Variants in NEBL observed in about 807,000 individuals in gnomAD.
NEBL encodes LIM and SH3 protein 2.
NEBL carries 122 observed loss-of-function variants against 140.2 expected under a neutral mutation model. The ratio of observed to expected loss-of-function variants is 0.87; its 90% CI spans 0.75 to 1.01. NEBL has a LOEUF of 1.01. Among genes scored for constraint, NEBL ranks in the 50% least tolerant of loss-of-function variants. NEBL has a pLI of 0.00. For synonymous variants in NEBL, 436 were observed against 398.9 expected, an observed-to-expected ratio of 1.09 and a Z score of -1.11; for missense variants, 1,365 against 1,231.3, an observed-to-expected ratio of 1.11 and a Z score of -1.62.
intron 3 of NEBL, among the ~76,000 whole-genome samples, chr10:21,216,643 C>T (rs1841996235): frequency 6.6e-6 from 1 of 152,034 alleles, no homozygotes; most frequent in Non-Finnish European, 1.5e-5. Flanking sequence ...TGGTGGCACA[C>T]ACCTGTAGAC....
rs755153279 is a variant in NEBL, at chr10:20,889,911, C to T, written c.192G>A (p.Lys64=). 1 of 1,611,480 alleles carries T rather than the reference C, an allele frequency of 6.2e-7. No individual in the cohort carries two copies. The highest frequency in any genetic ancestry group is 8.5e-7 in the Non-Finnish European group (1 of 1,178,154). The change falls in exon 3 of 28, where the codon AAG becomes AAA. Residue 64 remains lysine (K), a synonymous_variant. Coordinates refer to ENST00000377122, the MANE Select transcript of NEBL (RefSeq NM_006393.3). ...TAGGACTGTCAGTCACAAATGTACA[C>T]TTATCCTTGGACTTTTTAAACTCTT... ...YKEEFKKSKD[K]CTFVTDSPML...
At chr10:20,793,559 T>A (rs1268458680) in intron 26 of NEBL, among the ~76,000 whole-genome samples, 2 of 137,408 alleles carry the variant, frequency 1.5e-5, no homozygotes, top group South Asian at 4.4e-4. Flanking sequence ...TTTCTTTTCT[T>A]TTTTTTTTTT....
chr10:21,135,950 C>G (rs954773315), intron 2 of NEBL, among the ~76,000 whole-genome samples: 1 of 152,224 alleles, frequency 6.6e-6, no homozygotes, highest in African/African-American at 2.4e-5. Flanking sequence ...GCAGAACTTT[C>G]TGGAACTTGA....
At position 21,173,256 on chromosome 10, in the gene NEBL, A is replaced by G. The variant is rs932943657; in HGVS notation, c.69+509T>C. Among the ~76,000 whole-genome samples, 4 of 152,198 alleles carry G rather than the reference A, an allele frequency of 2.6e-5. No individual in the cohort carries two copies. Among genetic ancestry groups the G allele is most frequent in the Non-Finnish European group, 4.4e-5 (3 of 68,020 alleles). ...CCGCGCTGAGCCGGAGCTCTCCAGC[A>G]GGGATTATTCTTAGCAATGCGGCAG... On this transcript the variant is annotated intron_variant, in intron 1 of 6. Transcript: ENST00000417816. The surrounding 1 kb of genome is among the most constrained non-coding windows in gnomAD (Gnocchi z 5.7).
At chr10:20,906,876 T>C (rs1848114115) in intron 4 of NEBL, among the ~76,000 whole-genome samples, 1 of 152,054 alleles carries the variant, frequency 6.6e-6, no homozygotes, top group South Asian at 2.1e-4. Flanking sequence ...ATTTCAATCA[T>C]ACATTCATTT....
In NEBL at chr10:21,271,278, C is replaced by T. The variant is rs147171847; in HGVS notation, n.183-19450G>A. ...GAGAGACAAATACTGCATGATCTCA[C>T]GTAAACTTCTAAACAAACTCTAAAA... On this transcript the variant is annotated intron_variant and non_coding_transcript_variant, in intron 1 of 8. Coordinates refer to the NEBL transcript ENST00000675702. Among the ~76,000 whole-genome samples, 764 of 152,266 alleles carry T rather than the reference C, an allele frequency of 5.0e-3. 3 individuals carry two copies. Among genetic ancestry groups the T allele is most frequent in the African/African-American group, 0.017 (727 of 41,564 alleles).
At chr10:21,039,633 GGTGTTTTT>G (rs1834177423) in intron 2 of NEBL, among the ~76,000 whole-genome samples, 1 of 152,132 alleles carries the variant, frequency 6.6e-6, no homozygotes. Context: ...AACTTAAAAT[GGTGTTTTT>G]AAAACTTTGA....
At chr10:21,112,472 A>G (rs1364850440) in intron 2 of NEBL, among the ~76,000 whole-genome samples, 2 of 151,974 alleles carry the variant, frequency 1.3e-5, no homozygotes, top group African/African-American at 4.8e-5. Context: ...GATCATTCTA[A>G]GCAAACTATC....
At chr10:20,942,911 A>C (rs1274454429) in intron 4 of NEBL, among the ~76,000 whole-genome samples, 1 of 152,242 alleles carries the variant, frequency 6.6e-6, no homozygotes, top group Non-Finnish European at 1.5e-5. Context: ...ACCAGTTAGA[A>C]TGGCGATCAG....
intron 16 of NEBL, among the ~76,000 whole-genome samples, chr10:20,830,829 A>C (rs1246384899): frequency 6.7e-6 from 1 of 149,436 alleles, no homozygotes; most frequent in African/African-American, 2.5e-5. Context: ...GCTTGAGCCC[A>C]GGAGTTTGAG....
chr10:21,082,518 G>C (rs986260757), intron 2 of NEBL, among the ~76,000 whole-genome samples: 5 of 130,428 alleles, frequency 3.8e-5, no homozygotes, highest in African/African-American at 1.6e-4. Context: ...TAAGTTTGAA[G>C]TGTTCCCCAC....
intron 2 of NEBL, among the ~76,000 whole-genome samples, chr10:21,110,221 G>T (rs1837931505): frequency 6.6e-6 from 1 of 152,150 alleles, no homozygotes; most frequent in Non-Finnish European, 1.5e-5. Flanking sequence ...TACTGAAAGA[G>T]TCTGTAGAAT....
rs562057318 is a variant in NEBL, at chr10:21,215,647, T to TTTTTG, written n.348+32269_348+32273dup. Among the ~76,000 whole-genome samples, 434 of 152,230 alleles carry TTTTTG rather than the reference T, an allele frequency of 2.9e-3. 2 individuals are homozygous for TTTTTG. The highest frequency in any genetic ancestry group is 9.1e-3 in the African/African-American group (379 of 41,534). On this transcript the variant is annotated intron_variant and non_coding_transcript_variant, in intron 3 of 8. Transcript: ENST00000675702. ...CATAATATTTTCCACAGACTAGTTT[T>TTTTTG]TTTTGTTTTGTTTTGTTTTGTTTTT...
chr10:20,793,124 G>A (rs1463543644), intron 26 of NEBL, among the ~76,000 whole-genome samples: 1 of 152,148 alleles, frequency 6.6e-6, no homozygotes, highest in Non-Finnish European at 1.5e-5. Context: ...TTAGTTTGCA[G>A]ATTCTTAATT....
rs536575862 is a variant in NEBL, at chr10:20,858,143, G to A, written c.903+97C>T. 4.7e-4 allele frequency: 429 copies of A among 907,508 alleles called. 1 individual carries two copies. The highest frequency in any genetic ancestry group is 6.6e-4 in the Non-Finnish European group (362 of 552,354). The allele number at this position is 907,508 out of a possible 1,614,324, so 56.2% of individuals were successfully genotyped here. A position where few individuals can be genotyped will look rare whatever the true frequency, so the allele number is the denominator to read the frequency against. On this transcript the variant is annotated intron_variant, in intron 9 of 27. Transcript: ENST00000377122. ...TTAACGAGGGAGGAGTGAGGCACAG[G>A]CCTTCTAAGGAAGCAGGTGAGCACA...
At chr10:20,838,248 T>A (rs1239649551) in intron 13 of NEBL, among the ~76,000 whole-genome samples, 1 of 152,182 alleles carries the variant, frequency 6.6e-6, no homozygotes, top group African/African-American at 2.4e-5. Flanking sequence ...ATGAGAGAAG[T>A]ACAAAATATC....
intron 3 of NEBL, among the ~76,000 whole-genome samples, chr10:21,223,225 C>A (rs1842098776): frequency 6.6e-6 from 1 of 152,192 alleles, no homozygotes; most frequent in Non-Finnish European, 1.5e-5. Flanking sequence ...CTCTGGTAAC[C>A]ATTCTTACAC....
At chr10:21,258,664 C>CA (rs1842696441) in intron 1 of NEBL, among the ~76,000 whole-genome samples, 1 of 151,626 alleles carries the variant, frequency 6.6e-6, no homozygotes, top group Admixed American at 6.6e-5. Context: ...GAGATCACGC[C>CA]ATTGCACTCC....
At chr10:20,937,889 AG>A in intron 4 of NEBL, among the ~76,000 whole-genome samples, 1 of 152,242 alleles carries the variant, frequency 6.6e-6, no homozygotes, top group South Asian at 2.1e-4. Flanking sequence ...GCAAGGGTGG[AG>A]GAGGGGCGCC....
Sources: gnomAD v4.1 joint callset for allele counts (sites outside exome capture counted in the v4.1 genomes callset) on GRCh38, gnomAD v4.1.1 for gene constraint, Gnocchi (gnomAD v3.1) non-coding constraint, MANE v1.5 for transcripts, NCBI Gene and HGNC (gene_info 2026-07-23, HGNC 2026-07-21) for gene names.